The following MEGF11 variants were observed in gnomAD, a reference collection of about 807,000 sequenced individuals.
The protein encoded by MEGF11 is multiple EGF like domains 11, also known as multiple epidermal growth factor-like domains protein 11.
MEGF11 carries 126 observed loss-of-function variants against 146.6 expected under a neutral mutation model. The ratio of observed to expected loss-of-function variants is 0.86; its 90% CI spans 0.74 to 1.00. The LOEUF (loss-of-function observed/expected upper bound fraction) is 1.00, where lower values mean the gene tolerates loss of function less well. Among genes scored for constraint, MEGF11 ranks in the 50% least tolerant of loss-of-function variants. MEGF11 has a pLI of 0.00. For missense variants in MEGF11, 1,509 were observed against 1,521.2 expected (o/e 0.99, Z 0.13); for synonymous variants, 532 against 583.4 (o/e 0.91, Z 1.27).
At chr15:66,058,290 C>A (rs2084762387) in intron 5 of MEGF11, among the ~76,000 whole-genome samples, 1 of 152,136 alleles carries the variant, frequency 6.6e-6, no homozygotes, top group African/African-American at 2.4e-5. Flanking sequence ...GCAAATGCAA[C>A]TTTACCTAAG....
intron 23 of MEGF11, 136 bp from the exon 24 acceptor site, chr15:65,906,277 A>C (rs2078626392): frequency 3.2e-6 from 2 of 631,850 alleles, no homozygotes. Flanking sequence ...TATTGCTAGA[A>C]AATGATTCTG....
chr15:66,195,514 C>T (rs1156992037), intron 1 of MEGF11, among the ~76,000 whole-genome samples: 1 of 152,178 alleles, frequency 6.6e-6, no homozygotes, highest in African/African-American at 2.4e-5. Flanking sequence ...GAAGTGATCC[C>T]ACAGGGCAAG....
chr15:66,158,420 C>T (rs909103456), intron 1 of MEGF11, among the ~76,000 whole-genome samples: 1 of 152,260 alleles, frequency 6.6e-6, no homozygotes, highest in South Asian at 2.1e-4. Flanking sequence ...TCAGCCTCAG[C>T]CCAACTTCCT....
intron 4 of MEGF11, among the ~76,000 whole-genome samples, chr15:66,116,896 G>A (rs772310726): frequency 3.3e-5 from 5 of 152,176 alleles, no homozygotes; most frequent in East Asian, 1.9e-4. Context: ...GCCTAGGTTC[G>A]TGAAGAGACA....
intron 1 of MEGF11, among the ~76,000 whole-genome samples, chr15:66,235,862 T>C (rs752531860): frequency 6.6e-6 from 1 of 152,196 alleles, no homozygotes; most frequent in African/African-American, 2.4e-5. Context: ...GGACAAGGAC[T>C]ATCCCGGTTC....
intron 1 of MEGF11, among the ~76,000 whole-genome samples, chr15:66,141,764 C>T (rs2141007522): frequency 6.6e-6 from 1 of 152,288 alleles, no homozygotes; most frequent in South Asian, 2.1e-4. Context: ...GGATGCCAGA[C>T]CTCCTGAACC....
intron 10 of MEGF11, among the ~76,000 whole-genome samples, chr15:65,950,266 CTA>C (rs951090400): frequency 7.2e-5 from 11 of 152,298 alleles, no homozygotes; most frequent in African/African-American, 2.4e-4. Flanking sequence ...TCCTACAAGG[CTA>C]TGTTATTATT....
chr15:66,030,301 T>C (rs1194837516), intron 5 of MEGF11, among the ~76,000 whole-genome samples: 1 of 152,216 alleles, frequency 6.6e-6, no homozygotes, highest in Non-Finnish European at 1.5e-5. Flanking sequence ...ACATGTAATA[T>C]CTACCCTTCA....
At chr15:66,135,918 A>G (rs1028354295) in intron 1 of MEGF11, among the ~76,000 whole-genome samples, 1 of 152,162 alleles carries the variant, frequency 6.6e-6, no homozygotes, top group Admixed American at 6.5e-5. Flanking sequence ...ACAGGGCTGG[A>G]GTCAGACTAC....
chr15:65,934,862 CTTCCCACAT>C (rs2079711539), intron 10 of MEGF11, among the ~76,000 whole-genome samples: 2 of 152,222 alleles, frequency 1.3e-5, no homozygotes, highest in East Asian at 3.8e-4. Context: ...CTCCATACCC[CTTCCCACAT>C]GTCTTGCACT....
chr15:65,920,145 C>T (rs1329295225), intron 15 of MEGF11, among the ~76,000 whole-genome samples: 2 of 152,158 alleles, frequency 1.3e-5, no homozygotes, highest in Non-Finnish European at 2.9e-5. Context: ...GGCTAAGTGC[C>T]TTTGAGCAAA....
Position 66,166,356 on chromosome 15 carries a change from C to G in MEGF11, c.-8-37945G>C, listed in dbSNP as rs145550657. Among the ~76,000 whole-genome samples the G allele has an allele frequency of 4.6e-5, 7 of 152,254 alleles. No individual in the cohort carries two copies. The East Asian group carries it at 1.2e-3, about 25-fold the overall frequency. ...CCAACATGCGTCCAGAATCCCATCA[C>G]TGCTCAGACTCTGATCCATGCACCA... On this transcript the variant is annotated intron_variant, in intron 1 of 25. Coordinates refer to ENST00000395614, the MANE Select transcript of MEGF11 (RefSeq NM_001385028.1).
chr15:66,085,443 A>G (rs1239470151), intron 5 of MEGF11, among the ~76,000 whole-genome samples: 1 of 152,160 alleles, frequency 6.6e-6, no homozygotes, highest in East Asian at 1.9e-4. Context: ...TGCCACCTCC[A>G]CCAGAACAGG....
rs1258380082 is a variant in MEGF11, at chr15:65,931,165, A to G, written c.1288-222T>C. ...TTCAGGGGTTATCCAGGTGGGCTCA[A>G]TATAATCATGAGTCCTTAAGAGTAA... is the stretch of plus-strand genomic sequence containing the variant. On this transcript the variant is annotated intron_variant, in intron 10 of 25. Transcript: ENST00000395614. Among the ~76,000 whole-genome samples the G allele has an allele frequency of 2.0e-5, 3 of 152,196 alleles. No homozygotes were observed. The East Asian group carries it at 5.8e-4, about 29-fold the overall frequency.
chr15:65,991,102 C>T (rs757237663), intron 5 of MEGF11, among the ~76,000 whole-genome samples: 1 of 152,174 alleles, frequency 6.6e-6, no homozygotes, highest in Admixed American at 6.5e-5. Context: ...ACTTGTTACT[C>T]GGTGTTACTT....
intron 21 of MEGF11, among the ~76,000 whole-genome samples, chr15:65,910,903 T>G (rs575713683): frequency 2.0e-5 from 3 of 152,312 alleles, no homozygotes; most frequent in Admixed American, 1.3e-4. Flanking sequence ...TTTGTGTCTA[T>G]GGGCACAGGC....
At chr15:66,196,638 G>A (rs1351614967) in intron 1 of MEGF11, among the ~76,000 whole-genome samples, 3 of 152,178 alleles carry the variant, frequency 2.0e-5, no homozygotes, top group African/African-American at 7.2e-5. Context: ...TGGGAAGAAC[G>A]GCTCTTTTGT....
At chr15:66,104,859 G>A (rs906647762) in intron 4 of MEGF11, among the ~76,000 whole-genome samples, 1 of 152,116 alleles carries the variant, frequency 6.6e-6, no homozygotes, top group Non-Finnish European at 1.5e-5. Context: ...GGCAAAACGC[G>A]AGTCCTCTCA....
At chr15:66,019,099 C>T (rs1056761396) in intron 5 of MEGF11, among the ~76,000 whole-genome samples, 1 of 152,166 alleles carries the variant, frequency 6.6e-6, no homozygotes, top group Admixed American at 6.5e-5. Context: ...TCATAAGTGG[C>T]AAGGGGCAGG....
Sources: gnomAD v4.1 joint callset for allele counts (sites outside exome capture counted in the v4.1 genomes callset) on GRCh38, gnomAD v4.1.1 for gene constraint, MANE v1.5 for transcripts, NCBI Gene and HGNC (gene_info 2026-07-23, HGNC 2026-07-21) for gene names.